Variants in FAM110B observed in about 807,000 individuals in gnomAD.
The protein encoded by FAM110B is family with sequence similarity 110 member B.
Under a neutral mutation model 20.4 loss-of-function variants are expected in FAM110B, and 6 were observed. The observed-to-expected ratio is 0.29, with a 90% CI of 0.16 to 0.58. The LOEUF (loss-of-function observed/expected upper bound fraction) is 0.58, where lower values mean the gene tolerates loss of function less well. Ranked by LOEUF, FAM110B falls within the 20% of genes least tolerant of loss-of-function variation. FAM110B has a pLI of 0.90. For synonymous variants in FAM110B, 226 were observed against 214.1 expected (o/e 1.06, Z -0.49); for missense variants, 434 against 498.2 (o/e 0.87, Z 1.23).
chr8:58,147,890 T>G lies in FAM110B; in HGVS notation c.*547T>G, dbSNP rs1232345503. 1 of 170,222 alleles carries G rather than the reference T, an allele frequency of 5.9e-6. No homozygotes were observed. Among genetic ancestry groups the G allele is most frequent in the African/African-American group, 2.4e-5 (1 of 41,464 alleles). The allele number at this position is 170,222 out of a possible 1,614,324, so 10.5% of individuals were successfully genotyped here. ...TAATCGTTTACATGTTGAAATTCTCTTGCCACTTAGTGAAGCAGTCATTGG... is the reference window on the plus strand; with the variant it reads ...TAATCGTTTACATGTTGAAATTCTCGTGCCACTTAGTGAAGCAGTCATTGG... On this transcript the variant is annotated 3_prime_UTR_variant, in exon 4 of 4. Transcript: ENST00000519262.
chr8:58,004,975 G>GT (rs1804371496), intron 1 of FAM110B, among the ~76,000 whole-genome samples: 1 of 152,208 alleles, frequency 6.6e-6, no homozygotes, highest in Non-Finnish European at 1.5e-5. Context: ...GTTAGCTGGA[G>GT]TAGCAGTTTA....
At chr8:57,997,817 G>A (rs1264386318) in intron 1 of FAM110B, among the ~76,000 whole-genome samples, 2 of 152,174 alleles carry the variant, frequency 1.3e-5, no homozygotes, top group Non-Finnish European at 2.9e-5. Flanking sequence ...CTGGCTCTGG[G>A]ACCAGCAAAA....
intron 2 of FAM110B, among the ~76,000 whole-genome samples, chr8:58,070,041 G>A (rs1805855055): frequency 6.6e-6 from 1 of 152,164 alleles, no homozygotes; most frequent in Admixed American, 6.5e-5. Context: ...TTGCTCCAAT[G>A]GCTCTGTGCT....
At chr8:58,054,131 GACAGTCT>G (rs1226020956) in intron 2 of FAM110B, among the ~76,000 whole-genome samples, 1 of 152,184 alleles carries the variant, frequency 6.6e-6, no homozygotes, top group Non-Finnish European at 1.5e-5. Context: ...AAGAGTAGAT[GACAGTCT>G]ACACATCCAA....
At chr8:58,009,509 T>C (rs1056369108) in intron 1 of FAM110B, among the ~76,000 whole-genome samples, 2 of 152,226 alleles carry the variant, frequency 1.3e-5, no homozygotes, top group Admixed American at 1.3e-4. Context: ...GAGAAAAGAA[T>C]GTAAAATAAC....
At chr8:58,034,920 G>T (rs748360724) in intron 2 of FAM110B, among the ~76,000 whole-genome samples, 5 of 152,168 alleles carry the variant, frequency 3.3e-5, no homozygotes, top group African/African-American at 4.8e-5. Context: ...GAGTGTGGGG[G>T]AATATCTAAT....
chr8:58,136,218 G>A (rs1349285238), intron 3 of FAM110B, among the ~76,000 whole-genome samples: 1 of 151,952 alleles, frequency 6.6e-6, no homozygotes, highest in African/African-American at 2.4e-5. Flanking sequence ...CACCTTGTTG[G>A]CCAGGATGGT....
At chr8:58,019,768 AATT>A (rs1447533874) in intron 1 of FAM110B, among the ~76,000 whole-genome samples, 1 of 151,862 alleles carries the variant, frequency 6.6e-6, no homozygotes, top group African/African-American at 2.4e-5. Flanking sequence ...TGCTTTTTAG[AATT>A]ATTTTCATTT....
intron 3 of FAM110B, among the ~76,000 whole-genome samples, chr8:58,114,744 A>G (rs1243581692): frequency 6.6e-6 from 1 of 152,258 alleles, no homozygotes; most frequent in African/African-American, 2.4e-5. Flanking sequence ...GTGGAGATTC[A>G]TTTAATCCTG....
At chr8:58,049,825 T>A (rs1267537422) in intron 2 of FAM110B, among the ~76,000 whole-genome samples, 4 of 152,234 alleles carry the variant, frequency 2.6e-5, no homozygotes, top group Admixed American at 2.6e-4. Context: ...GGGAAAAACA[T>A]CCTCTAATAT....
chr8:58,025,871 AT>A (rs1435328582), intron 1 of FAM110B, among the ~76,000 whole-genome samples: 2 of 152,120 alleles, frequency 1.3e-5, no homozygotes, highest in African/African-American at 4.8e-5. Flanking sequence ...TGATGTAAAT[AT>A]TTTTAGGTCC....
chr8:58,047,913 G>C (rs889388032), intron 2 of FAM110B, among the ~76,000 whole-genome samples: 1 of 152,020 alleles, frequency 6.6e-6, no homozygotes, highest in African/African-American at 2.4e-5. Flanking sequence ...TGTCAAAGTA[G>C]GATTTAATTT....
intron 2 of FAM110B, chr8:58,043,381 C>T (rs1223540991): frequency 1.3e-5 from 2 of 152,324 alleles, no homozygotes; most frequent in East Asian, 3.9e-4. Context: ...AGTTGTAAAA[C>T]AGATTGGTCT....
chr8:58,014,123 T>C (rs1270273902), intron 1 of FAM110B, among the ~76,000 whole-genome samples: 3 of 152,188 alleles, frequency 2.0e-5, no homozygotes, highest in Admixed American at 6.5e-5. Flanking sequence ...ATGTCAGTTC[T>C]TCCTCGAAGA....
chr8:58,052,792 TTTTTTTTTTTTGAGACGGAG>T (rs1301092511), intron 2 of FAM110B, among the ~76,000 whole-genome samples: 1 of 128,256 alleles, frequency 7.8e-6, no homozygotes, highest in Non-Finnish European at 1.7e-5. Flanking sequence ...TTTTTTTTTT[TTTTTTTTTTTTGAGACGGAG>T]TCTCGCTCTG....
intron 3 of FAM110B, chr8:58,113,435 T>C (rs914325091): frequency 2.0e-5 from 4 of 195,866 alleles, no homozygotes; most frequent in African/African-American, 9.3e-5. Context: ...TGCTGACATT[T>C]ATAGTGTCCT....
At chr8:58,109,415 A>AT (rs1807003966) in intron 3 of FAM110B, among the ~76,000 whole-genome samples, 1 of 152,178 alleles carries the variant, frequency 6.6e-6, no homozygotes. Flanking sequence ...AGAACTCATA[A>AT]AGACCCCAGG....
At chr8:58,011,234 C>T (rs990810925) in intron 1 of FAM110B, among the ~76,000 whole-genome samples, 1 of 152,146 alleles carries the variant, frequency 6.6e-6, no homozygotes, top group African/African-American at 2.4e-5. Flanking sequence ...GGGTTCAGAG[C>T]CCTGGCTGGC....
chr8:58,103,440 GC>G (rs1806834680), intron 3 of FAM110B, among the ~76,000 whole-genome samples: 1 of 150,898 alleles, frequency 6.6e-6, no homozygotes, highest in Non-Finnish European at 1.5e-5. Context: ...TTTTGTTCTT[GC>G]GATAGTTTAC....
Sources: gnomAD v4.1 joint callset for allele counts (sites outside exome capture counted in the v4.1 genomes callset) on GRCh38, gnomAD v4.1.1 for gene constraint, MANE v1.5 for transcripts, NCBI Gene and HGNC (gene_info 2026-07-23, HGNC 2026-07-21) for gene names.